The following REV1 variants were observed in gnomAD, a reference collection of about 807,000 sequenced individuals.
REV1 encodes REV1 DNA directed polymerase, also known as translesion synthesis protein REV1.
In REV1, 42 loss-of-function variants were observed where a neutral mutation model predicts 137.4. The ratio of observed to expected loss-of-function variants is 0.31; its 90% CI spans 0.24 to 0.40. The LOEUF is 0.40. Among genes scored for constraint, REV1 ranks in the 10% least tolerant of loss-of-function variants. The pLI is 1.00. For missense variants in REV1, 1,282 were observed against 1,490.1 expected (o/e 0.86, Z 2.30); for synonymous variants, 524 against 519.2 (o/e 1.01, Z -0.12).
chr2:99,442,320 C>T lies in REV1; in HGVS notation c.500G>A (p.Arg167Lys), dbSNP rs1291350828. 2 of 1,607,260 alleles carry T rather than the reference C, an allele frequency of 1.2e-6. No individual in the cohort carries two copies. Among genetic ancestry groups the T allele is most frequent in the South Asian group, 1.1e-5 (1 of 90,644 alleles). Residue 167 changes from arginine to lysine, a missense_variant, in exon 5 of 23, where the codon AGG (arginine) becomes AAG (lysine). By Grantham distance (26) the Arg-to-Lys change is conservative. Around this residue, in one of 7 missense-constraint regions of REV1, gnomAD observed 432 missense variants for 438.0 expected, o/e 0.99. Coordinates refer to ENST00000258428, the MANE Select transcript of REV1 (RefSeq NM_016316.4). ...PSNIAKQLNN[R>K]VNHIVKKIET... ...ATCCCCAACTAGACAAACTTACACC[C>T]TGTTGTTGAGCTGTTTGGCTATATT... is the stretch of plus-strand genomic sequence containing the variant.
intron 12 of REV1, 81 bp from the exon 13 acceptor site, chr2:99,413,032 CACAAA>C: frequency 1.1e-6 from 1 of 935,280 alleles, no homozygotes; most frequent in Non-Finnish European, 1.7e-6. Flanking sequence ...ACCATTTATG[CACAAA>C]ACAACTAGTT....
chr2:99,468,280 G>A (rs1245766798), intron 1 of REV1, among the ~76,000 whole-genome samples: 1 of 152,132 alleles, frequency 6.6e-6, no homozygotes, highest in Non-Finnish European at 1.5e-5. Context: ...CAATGCCTCT[G>A]TAATAACATC....
chr2:99,425,008 G>A (rs1679156525), intron 9 of REV1: 7 of 763,878 alleles, frequency 9.2e-6, no homozygotes, highest in East Asian at 8.7e-5. Context: ...TACATAATTA[G>A]TAAAATTCTA....
At chr2:99,429,275 C>T (rs1455458476) in intron 9 of REV1, among the ~76,000 whole-genome samples, 2 of 151,966 alleles carry the variant, frequency 1.3e-5, no homozygotes, top group Non-Finnish European at 2.9e-5. Context: ...ACTGAAACAG[C>T]CAATTATAAT....
intron 8 of REV1, 28 bp downstream of exon 8, chr2:99,434,304 T>TAAG: frequency 6.7e-7 from 1 of 1,481,666 alleles, no homozygotes; most frequent in Non-Finnish European, 9.2e-7. Flanking sequence ...ACAGGAGCAC[T>TAAG]AAGACTTCAA....
intron 12 of REV1, among the ~76,000 whole-genome samples, chr2:99,418,350 A>C (rs1678178361): frequency 6.6e-6 from 1 of 152,144 alleles, no homozygotes; most frequent in African/African-American, 2.4e-5. Flanking sequence ...ATCCTTCTTT[A>C]CGTTTCCTTT....
intron 1 of REV1, among the ~76,000 whole-genome samples, chr2:99,468,505 G>A (rs1175493413): frequency 6.6e-6 from 1 of 152,212 alleles, no homozygotes; most frequent in African/African-American, 2.4e-5. Context: ...TGACTGCCCT[G>A]TATTGACAAA....
At chr2:99,464,382 T>C (rs1684576352) in intron 2 of REV1, among the ~76,000 whole-genome samples, 1 of 152,210 alleles carries the variant, frequency 6.6e-6, no homozygotes, top group Non-Finnish European at 1.5e-5. Context: ...ACAGGAAATA[T>C]GGGGAAGAAA....
At chr2:99,470,674 T>C (rs748332155) in intron 1 of REV1, among the ~76,000 whole-genome samples, 1 of 152,216 alleles carries the variant, frequency 6.6e-6, no homozygotes, top group Non-Finnish European at 1.5e-5. Context: ...TGTTCTCCTC[T>C]GCCTTTGCCT....
intron 3 of REV1, among the ~76,000 whole-genome samples, chr2:99,458,254 C>G (rs1265788341): frequency 2.0e-5 from 3 of 152,008 alleles, no homozygotes; most frequent in African/African-American, 7.2e-5. Flanking sequence ...GTAAAAAATA[C>G]TAAATCCAAT....
Position 99,405,959 on chromosome 2 carries a change from C to A in REV1, c.2762G>T (p.Ser921Ile), listed in dbSNP as rs3087396. 1,852 of 1,612,092 alleles carry A rather than the reference C, an allele frequency of 1.1e-3. 5 individuals carry two copies. The highest frequency in any genetic ancestry group is 3.6e-3 in the Middle Eastern group (22 of 6,056). ...ACTCAGGTTAAGTCTCGACTGCACACTGACAGGAGTATGTAGACCATTCCA... is the reference window on the plus strand; with the variant it reads ...ACTCAGGTTAAGTCTCGACTGCACAATGACAGGAGTATGTAGACCATTCCA... Reference protein sequence around the residue: ...GKWNGLHTPVSVQSRLNLSIE... With the variant: ...GKWNGLHTPVIVQSRLNLSIE... Residue 921 changes from serine (S) to isoleucine (I), a missense_variant, in exon 17 of 23, where the codon AGT (serine) becomes ATT (isoleucine). Physicochemically the swap from Ser to Ile is moderately radical, Grantham distance 142 (BLOSUM62 -2). Coordinates refer to ENST00000258428, the MANE Select transcript of REV1 (RefSeq NM_016316.4).
Position 99,438,898 on chromosome 2 carries a change from T to A in REV1, c.916A>T (p.Asn306Tyr). Residue 306 changes from asparagine (N) to tyrosine (Y), a missense_variant, in exon 6 of 23, where the codon AAC (asparagine) becomes TAC (tyrosine). Around this residue, in one of 7 missense-constraint regions of REV1, gnomAD observed 432 missense variants for 438.0 expected, o/e 0.99. Coordinates refer to ENST00000258428, the MANE Select transcript of REV1 (RefSeq NM_016316.4). Reference sequence around the variant, plus strand: ...TGGTGAGCACCATTGATTTTAGTGTTACTGTGCAAAGGTGATAATGAGAAA... The same window carrying A: ...TGGTGAGCACCATTGATTTTAGTGTAACTGTGCAAAGGTGATAATGAGAAA... ...NSFSLSPLHS[N>Y]TKINGAHHST... 6.2e-7 allele frequency: 1 copy of A among 1,614,196 alleles called. No individual in the cohort carries two copies. Among genetic ancestry groups the A allele is most frequent in the South Asian group, 1.1e-5 (1 of 91,092 alleles).
chr2:99,468,600 A>C (rs1428299083), intron 1 of REV1, among the ~76,000 whole-genome samples: 2 of 152,242 alleles, frequency 1.3e-5, no homozygotes, highest in Non-Finnish European at 2.9e-5. Context: ...TCCCAATTTA[A>C]TTCCACATAA....
chr2:99,405,906 G>T lies in REV1; in HGVS notation c.2811+4C>A, dbSNP rs755470756. The T allele has an allele frequency of 6.6e-7, 1 of 1,522,398 alleles. No homozygotes were observed. Among genetic ancestry groups the T allele is most frequent in the East Asian group, 2.3e-5 (1 of 42,854 alleles). 94.3% of individuals were successfully genotyped at this position (1,522,398 alleles called of 1,614,324 possible). A position where few individuals can be genotyped will look rare whatever the true frequency, so the allele number is the denominator to read the frequency against. On this transcript the variant is annotated splice_donor_region_variant and intron_variant, in intron 17 of 22. Coordinates refer to ENST00000258428, the MANE Select transcript of REV1 (RefSeq NM_016316.4). ...TACTTATATTTAGGACTACAAAAAT[G>T]TACCTGGGAAGGTGACGGGACCTCT...
At chr2:99,411,424 T>TC (rs1677128587) in intron 13 of REV1, among the ~76,000 whole-genome samples, 1 of 151,540 alleles carries the variant, frequency 6.6e-6, no homozygotes, top group Admixed American at 6.6e-5. Context: ...TTTTTTTTTT[T>TC]TGAGACAGTC....
chr2:99,422,045 T>C (rs28382925), intron 10 of REV1, among the ~76,000 whole-genome samples: 1,677 of 152,330 alleles, frequency 0.011, 9 homozygotes, highest in Middle Eastern at 0.024. Flanking sequence ...TTTAATCTAA[T>C]GGTTTATGAG....
At position 99,412,829 on chromosome 2, in the gene REV1, A is replaced by G; in HGVS notation, c.2074T>C (p.Tyr692His). Reference sequence around the variant, plus strand: ...TCATCCAAGCCACGGCAGAACCTATAAAGCATCTGACCTGTTTTGGGACCA... The same window carrying G: ...TCATCCAAGCCACGGCAGAACCTATGAAGCATCTGACCTGTTTTGGGACCA... ...EFGPKTGQML[Y>H]RFCRGLDDRP... is the part of the protein sequence containing the mutation. Residue 692 changes from tyrosine to histidine, a missense_variant, in exon 13 of 23, where the codon TAT (tyrosine) becomes CAT (histidine). Physicochemically the swap from Tyr to His is moderately conservative, Grantham distance 83. Transcript: ENST00000258428. 4 of 1,614,118 alleles carry G rather than the reference A, an allele frequency of 2.5e-6. No homozygotes were observed. The highest frequency in any genetic ancestry group is 3.4e-6 in the Non-Finnish European group (4 of 1,179,974).
At chr2:99,411,003 G>A (rs1284362583) in intron 13 of REV1, 136 bp from the exon 14 acceptor site, 14 of 760,716 alleles carry the variant, frequency 1.8e-5, no homozygotes, top group African/African-American at 7.3e-5. Flanking sequence ...AAAAAGAAAC[G>A]TGGCCAGGCG....
intron 21 of REV1, 127 bp downstream of exon 21, chr2:99,402,517 G>A (rs1305655754): frequency 5.1e-6 from 5 of 980,700 alleles, no homozygotes; most frequent in Non-Finnish European, 7.6e-6. Context: ...AGATTTGGGG[G>A]TAGCTGCTTT....
Sources: allele counts gnomAD v4.1 joint callset (sites outside exome capture counted in the v4.1 genomes callset), GRCh38; gene constraint gnomAD v4.1.1; regional missense constraint gnomAD v4.1.1; transcripts MANE v1.5; gene names NCBI Gene and HGNC (gene_info 2026-07-23, HGNC 2026-07-21).